Variants in DMXL2 observed in about 807,000 individuals in gnomAD.
DMXL2 encodes the protein Dmx like 2, also known as dmX-like protein 2.
Under a neutral mutation model 331.1 loss-of-function variants are expected in DMXL2, and 103 were observed. The observed-to-expected ratio is 0.31, with a 90% CI of 0.27 to 0.37. The LOEUF (loss-of-function observed/expected upper bound fraction) is 0.37. Ranked by LOEUF, DMXL2 falls within the 10% of genes least tolerant of loss-of-function variation. The pLI is 1.00. For synonymous variants in DMXL2, 1,281 were observed against 1,252.1 expected (o/e 1.02, Z -0.49); for missense variants, 3,171 against 3,642.9 (o/e 0.87, Z 3.33).
chr15:51,505,020 T>G (rs2043956519), intron 16 of DMXL2, among the ~76,000 whole-genome samples: 1 of 152,218 alleles, frequency 6.6e-6, no homozygotes, highest in Non-Finnish European at 1.5e-5. Flanking sequence ...TTACATACCC[T>G]TACTCCATTA....
intron 33 of DMXL2, among the ~76,000 whole-genome samples, chr15:51,461,348 G>C (rs1209271978): frequency 6.6e-6 from 1 of 152,086 alleles, no homozygotes; most frequent in Non-Finnish European, 1.5e-5. Flanking sequence ...GAGAATGGGA[G>C]GGTCCAAGAA....
chr15:51,474,467 T>C lies in DMXL2; in HGVS notation c.7090A>G (p.Asn2364Asp), dbSNP rs757235439. 12 of 1,614,056 alleles carry C rather than the reference T, an allele frequency of 7.4e-6. No homozygotes were observed. Among genetic ancestry groups the C allele is most frequent in the Non-Finnish European group, 1.0e-5 (12 of 1,180,014 alleles). ...AGCCGAAATAATTCACTGGAGGAAT[T>C]TGTGGCAAGAGCATGTATCAATAAA... ...LSLLIHALAT[N>D]SSSELFRLAA... The change falls in exon 28 of 44, where the codon AAT (asparagine) becomes GAT (aspartate). Residue 2364 changes from asparagine (N) to aspartate (D), a missense_variant. Physicochemically the swap from Asn to Asp is conservative, Grantham distance 23. Around this residue, in one of 7 missense-constraint regions of DMXL2, gnomAD observed 766 missense variants for 940.5 expected, o/e 0.81. Transcript: ENST00000560891.
Position 51,499,071 on chromosome 15 carries a change from G to C in DMXL2, c.4153C>G (p.Pro1385Ala), listed in dbSNP as rs756903004. 1 of 1,613,944 alleles carries C rather than the reference G, an allele frequency of 6.2e-7. No homozygotes were observed. The highest frequency in any genetic ancestry group is 1.1e-5 in the South Asian group (1 of 91,084). Residue 1385 changes from proline (P) to alanine (A), a missense_variant, in exon 18 of 44, where the codon CCT becomes GCT. Pro to Ala is a conservative substitution (Grantham distance 27). This residue lies in a region of DMXL2 where 1,674 missense variants were observed against 1,780.2 expected (regional missense o/e 0.94). Transcript: ENST00000560891. The part of the protein sequence containing the change: ...IAGEVAIVRD[P>A]DAGEGTKRHL... ...CGCTTAGTTCCTTCTCCAGCATCAG[G>C]ATCTCTAACTATTGCTACTTCACCT...
At chr15:51,550,612 T>C (rs1004376140) in intron 6 of DMXL2, among the ~76,000 whole-genome samples, 5 of 148,634 alleles carry the variant, frequency 3.4e-5, no homozygotes, top group African/African-American at 1.3e-4. Flanking sequence ...ATAAATTCCA[T>C]TTTTTGAAGA....
At chr15:51,480,455 A>C (rs2041928356) in intron 24 of DMXL2, 87 bp downstream of exon 24, 1 of 1,403,452 alleles carries the variant, frequency 7.1e-7, no homozygotes. Flanking sequence ...ACTAGTAAAA[A>C]GTAGTAAAAG....
intron 9 of DMXL2, among the ~76,000 whole-genome samples, chr15:51,540,625 A>C (rs554378570): frequency 6.6e-6 from 1 of 152,254 alleles, no homozygotes; most frequent in African/African-American, 2.4e-5. Flanking sequence ...ACTTTCTTGT[A>C]GTTTCAAAAA....
chr15:51,483,152 T>C (rs1355868536), intron 23 of DMXL2, among the ~76,000 whole-genome samples: 2 of 152,198 alleles, frequency 1.3e-5, no homozygotes, highest in African/African-American at 4.8e-5. Flanking sequence ...GCAAGCCCTG[T>C]GTCCAGTTTG....
chr15:51,610,767 CA>C (rs34526933), intron 1 of DMXL2, among the ~76,000 whole-genome samples: 63,348 of 132,290 alleles, frequency 0.48, 14,010 homozygotes, highest in Non-Finnish European at 0.53. Flanking sequence ...GACTCCATCT[CA>C]AAAAAAAAAA....
At chr15:51,569,434 C>T (rs2050512581) in intron 2 of DMXL2, among the ~76,000 whole-genome samples, 1 of 152,144 alleles carries the variant, frequency 6.6e-6, no homozygotes. Flanking sequence ...CCTGACAGCT[C>T]TAAAGAGAGC....
At chr15:51,596,965 A>T (rs977649170) in intron 1 of DMXL2, among the ~76,000 whole-genome samples, 2 of 152,144 alleles carry the variant, frequency 1.3e-5, no homozygotes, top group Admixed American at 1.3e-4. Flanking sequence ...AGATATACCT[A>T]ATGTTAAATG....
In DMXL2 at chr15:51,474,334, C is replaced by T. The variant is rs143174282; in HGVS notation, c.7213+10G>A. The T allele has an allele frequency of 2.0e-4, 316 of 1,597,270 alleles. 1 individual carries two copies. The African/African-American group carries it at 3.0e-3, about 15-fold the overall frequency. ...ATTTACATACATTACTGGTATCAAA[C>T]GTATCTTACCTGAAATATTTTCTGA... On this transcript the variant is annotated intron_variant, in intron 28 of 43. Transcript: ENST00000560891.
intron 1 of DMXL2, among the ~76,000 whole-genome samples, chr15:51,612,262 C>T (rs8040080): frequency 0.48 from 72,350 of 152,026 alleles, 17,628 homozygotes; most frequent in Non-Finnish European, 0.52. Context: ...TATATACCAA[C>T]CACATAGAGA....
At chr15:51,506,153 G>T (rs1444483824) in intron 16 of DMXL2, among the ~76,000 whole-genome samples, 2 of 151,496 alleles carry the variant, frequency 1.3e-5, no homozygotes, top group Non-Finnish European at 2.9e-5. Context: ...GCTCATTGCA[G>T]CCTCTGACTC....
chr15:51,594,488 A>T (rs368000481), intron 1 of DMXL2, among the ~76,000 whole-genome samples: 3 of 152,356 alleles, frequency 2.0e-5, no homozygotes, highest in East Asian at 3.9e-4. Flanking sequence ...CAGAGGTACA[A>T]GGAGGAGCTG....
intron 16 of DMXL2, 35 bp downstream of exon 16, chr15:51,507,099 A>G: frequency 6.9e-7 from 1 of 1,452,844 alleles, no homozygotes. Flanking sequence ...TAAATTTGTT[A>G]TGTATCATCT....
At chr15:51,501,487 G>C (rs745981066) in intron 17 of DMXL2, among the ~76,000 whole-genome samples, 2 of 151,986 alleles carry the variant, frequency 1.3e-5, no homozygotes, top group African/African-American at 2.4e-5. Flanking sequence ...TCTTAATAAA[G>C]GTGAGACGTG....
chr15:51,542,858 G>T (rs569887539), intron 8 of DMXL2, among the ~76,000 whole-genome samples: 1 of 151,538 alleles, frequency 6.6e-6, no homozygotes, highest in South Asian at 2.1e-4. Context: ...AAATTCCTGA[G>T]TCTTCCTACC....
chr15:51,466,092 G>A lies in DMXL2; in HGVS notation c.7520+92C>T, dbSNP rs571605568. 8.5e-5 allele frequency: 89 copies of A among 1,051,810 alleles called. No homozygotes were observed. In the East Asian group the frequency reaches 2.5e-3, roughly 29 times the overall value. The allele number at this position is 1,051,810 out of a possible 1,614,324, so 65.2% of individuals were successfully genotyped here. On this transcript the variant is annotated intron_variant, in intron 30 of 43. Transcript: ENST00000560891. ...ATAAGTCATTTCTTATATAAATTCA[G>A]GATAATAATGTTATTTAAAATTAAT...
intron 1 of DMXL2, among the ~76,000 whole-genome samples, chr15:51,612,652 A>C (rs973796472): frequency 2.6e-5 from 4 of 152,218 alleles, no homozygotes; most frequent in Non-Finnish European, 5.9e-5. Flanking sequence ...ATAAAATATC[A>C]CAAGACAAAT....
Sources: gnomAD v4.1 joint callset for allele counts (sites outside exome capture counted in the v4.1 genomes callset) on GRCh38, gnomAD v4.1.1 for gene constraint, gnomAD v4.1.1 regional missense constraint, MANE v1.5 for transcripts, NCBI Gene and HGNC (gene_info 2026-07-23, HGNC 2026-07-21) for gene names.